Variants in SEMA6A observed in about 807,000 individuals in gnomAD.
SEMA6A encodes semaphorin 6A, also known as semaphorin-6A.
SEMA6A carries 25 observed loss-of-function variants against 96.8 expected under a neutral mutation model. The ratio of observed to expected loss-of-function variants is 0.26; its 90% confidence interval spans 0.19 to 0.36. The LOEUF is 0.36. Ranked by LOEUF, SEMA6A falls within the 10% of genes least tolerant of loss-of-function variation. The pLI is 1.00. For missense variants in SEMA6A, 1,363 were observed against 1,323.1 expected (o/e 1.03, Z -0.47); for synonymous variants, 612 against 518.0 (o/e 1.18, Z -2.46).
Position 116,447,463 on chromosome 5 carries a change from T to C in SEMA6A, c.2243A>G (p.His748Arg). The C allele has an allele frequency of 6.2e-7, 1 of 1,614,040 alleles. No homozygotes were observed. Among genetic ancestry groups the C allele is most frequent in the Non-Finnish European group, 8.5e-7 (1 of 1,179,894 alleles). ...TAKMLIKADQ[H>R]HLDLTALPTP... is the part of the protein sequence containing the mutation. Reference sequence around the variant, plus strand: ...GGGGAGGGCCGTCAGGTCCAGGTGGTGCTGGTCTGCTTTAATGAGCATCTT... The same window carrying C: ...GGGGAGGGCCGTCAGGTCCAGGTGGCGCTGGTCTGCTTTAATGAGCATCTT... The change falls in exon 19 of 19, where the codon CAC becomes CGC. Residue 748 changes from histidine (H) to arginine (R), a missense_variant. Physicochemically the swap from His to Arg is conservative, Grantham distance 29. This residue lies in a region of SEMA6A where 883 missense variants were observed against 763.6 expected (regional missense o/e 1.16). Transcript: ENST00000343348.
Position 116,486,270 on chromosome 5 carries a change from A to G in SEMA6A, c.962+479T>C, listed in dbSNP as rs12515001. Among the ~76,000 whole-genome samples, 1,387 of 152,318 alleles carry G rather than the reference A, an allele frequency of 9.1e-3. 53 individuals are homozygous for G. Among genetic ancestry groups the G allele is most frequent in the Admixed American group, 0.052 (798 of 15,298 alleles). On this transcript the variant is annotated intron_variant, in intron 10 of 18. Transcript: ENST00000343348. Reference sequence around the variant, plus strand: ...TTCCAATGTTTTAACTTCAAAAGGTACTGATCCCGTCATGAGAATATTAAA... The same window carrying G: ...TTCCAATGTTTTAACTTCAAAAGGTGCTGATCCCGTCATGAGAATATTAAA...
At chr5:116,562,615 T>A in intron 1 of SEMA6A, 1 of 697,044 alleles carries the variant, frequency 1.4e-6, no homozygotes, top group South Asian at 1.4e-5. Flanking sequence ...GCCTCTGACC[T>A]CAGGTGGCTG....
chr5:116,524,533 A>G (rs1759116655), intron 1 of SEMA6A, among the ~76,000 whole-genome samples: 1 of 152,110 alleles, frequency 6.6e-6, no homozygotes, highest in South Asian at 2.1e-4. Flanking sequence ...CCTCATTACA[A>G]GCTCGGGTTG....
intron 18 of SEMA6A, among the ~76,000 whole-genome samples, chr5:116,467,189 T>C (rs1755810400): frequency 6.6e-6 from 1 of 152,116 alleles, no homozygotes; most frequent in South Asian, 2.1e-4. Context: ...TAACAGGGCC[T>C]TTACTTCAAT....
intron 16 of SEMA6A, among the ~76,000 whole-genome samples, chr5:116,474,953 A>T (rs1756375764): frequency 6.6e-6 from 1 of 152,192 alleles, no homozygotes; most frequent in Admixed American, 6.5e-5. Context: ...TTCTAACTAA[A>T]ATGTTACCAT....
At chr5:116,471,350 T>C (rs1056335133) in intron 17 of SEMA6A, 21 of 152,206 alleles carry the variant, frequency 1.4e-4, no homozygotes, top group African/African-American at 5.1e-4. Context: ...AATTATTCTG[T>C]CTATTTAAGA....
At chr5:116,478,402 G>T in intron 13 of SEMA6A, 140 bp downstream of exon 13, 1 of 933,578 alleles carries the variant, frequency 1.1e-6, no homozygotes. Flanking sequence ...ATGCTTTTTA[G>T]GTGTTAAATT....
intron 18 of SEMA6A, among the ~76,000 whole-genome samples, chr5:116,455,842 C>G (rs1457961061): frequency 2.0e-5 from 3 of 152,130 alleles, no homozygotes; most frequent in Non-Finnish European, 4.4e-5. Context: ...CTACAAATAG[C>G]TAACTGTGTG....
intron 1 of SEMA6A, among the ~76,000 whole-genome samples, chr5:116,540,405 G>A (rs539759929): frequency 1.3e-5 from 2 of 152,328 alleles, no homozygotes; most frequent in South Asian, 4.1e-4. Context: ...ACCATTTGGA[G>A]ATCTCTATCC....
chr5:116,523,963 GTGGCTTTAAAAATA>G (rs1759089893), intron 1 of SEMA6A, among the ~76,000 whole-genome samples: 1 of 152,188 alleles, frequency 6.6e-6, no homozygotes, highest in South Asian at 2.1e-4. Context: ...GCTGCATGGA[GTGGCTTTAAAAATA>G]TCTAAGTTTA....
At chr5:116,517,556 C>T (rs1292189848) in intron 1 of SEMA6A, among the ~76,000 whole-genome samples, 1 of 152,104 alleles carries the variant, frequency 6.6e-6, no homozygotes, top group Non-Finnish European at 1.5e-5. Flanking sequence ...GAATTGCTGA[C>T]TGAGTTACTT....
chr5:116,563,312 G>C (rs1760893038), intron 1 of SEMA6A, among the ~76,000 whole-genome samples: 1 of 152,138 alleles, frequency 6.6e-6, no homozygotes, highest in South Asian at 2.1e-4. Context: ...ATTAGGAATG[G>C]TTCCTCTGAA....
chr5:116,554,110 T>C (rs1021867277), intron 1 of SEMA6A, among the ~76,000 whole-genome samples: 2 of 152,102 alleles, frequency 1.3e-5, no homozygotes, highest in Non-Finnish European at 2.9e-5. Flanking sequence ...AACAGTAACA[T>C]CAGTAAAAGT....
chr5:116,488,602 C>A (rs923870508), intron 8 of SEMA6A, among the ~76,000 whole-genome samples: 1 of 152,136 alleles, frequency 6.6e-6, no homozygotes, highest in Admixed American at 6.5e-5. Flanking sequence ...TTGTTCAGTT[C>A]TTTTCATGCA....
At chr5:116,544,016 C>A (rs1196101116) in intron 1 of SEMA6A, among the ~76,000 whole-genome samples, 1 of 151,172 alleles carries the variant, frequency 6.6e-6, no homozygotes, top group Non-Finnish European at 1.5e-5. Context: ...ATTAAATGCA[C>A]CCTAGTAGAA....
chr5:116,528,882 G>A (rs153645), intron 1 of SEMA6A, among the ~76,000 whole-genome samples: 89,891 of 151,984 alleles, frequency 0.59, 29,976 homozygotes, highest in East Asian at 0.91. Context: ...TAATTTCGCC[G>A]TCCCCTTCCA....
At chr5:116,517,047 T>C (rs1292473508) in intron 1 of SEMA6A, among the ~76,000 whole-genome samples, 1 of 152,202 alleles carries the variant, frequency 6.6e-6, no homozygotes, top group African/African-American at 2.4e-5. Context: ...GGAGTATAGG[T>C]ACACAATTTC....
chr5:116,482,226 T>C (rs1003258850), intron 11 of SEMA6A, among the ~76,000 whole-genome samples: 1 of 152,074 alleles, frequency 6.6e-6, no homozygotes, highest in African/African-American at 2.4e-5. Flanking sequence ...TAGTGTTACG[T>C]TGGATAAATA....
chr5:116,446,454 T>C lies in SEMA6A; in HGVS notation c.*159A>G, dbSNP rs114491050. Reference sequence around the variant, plus strand: ...ACCAAACCACGCGGCCCAGTTTTCGTGAGTACCCCTGTGTCCCAGAGAGGA... The same window carrying C: ...ACCAAACCACGCGGCCCAGTTTTCGCGAGTACCCCTGTGTCCCAGAGAGGA... On this transcript the variant is annotated 3_prime_UTR_variant, in exon 19 of 19. Coordinates refer to ENST00000343348, the MANE Select transcript of SEMA6A (RefSeq NM_020796.5). 6 of 583,212 alleles carry C rather than the reference T, an allele frequency of 1.0e-5. No individual in the cohort carries two copies. Among genetic ancestry groups the C allele is most frequent in the Non-Finnish European group, 1.4e-5 (5 of 357,446 alleles). 36.1% of individuals were successfully genotyped at this position (583,212 alleles called of 1,614,324 possible).
Sources: allele counts gnomAD v4.1 joint callset (sites outside exome capture counted in the v4.1 genomes callset), GRCh38; gene constraint gnomAD v4.1.1; regional missense constraint gnomAD v4.1.1; transcripts MANE v1.5; gene names NCBI Gene and HGNC (gene_info 2026-07-23, HGNC 2026-07-21).